CHCHD3: variants seen among roughly 807,000 people sequenced by gnomAD.
CHCHD3 encodes the protein MICOS complex subunit MIC19.
In CHCHD3, 20 loss-of-function variants were observed where a neutral mutation model predicts 38.2. That is an observed-to-expected ratio of 0.52 (90% CI 0.37 to 0.76). The LOEUF (loss-of-function observed/expected upper bound fraction) is 0.76, where lower values mean the gene tolerates loss of function less well. Among genes scored for constraint, CHCHD3 ranks in the 30% least tolerant of loss-of-function variants. CHCHD3 has a pLI of 0.00. For missense variants in CHCHD3, 245 were observed against 279.2 expected (o/e 0.88, Z 0.87); for synonymous variants, 82 against 100.0 (o/e 0.82, Z 1.07).
At chr7:133,062,839 C>G (rs1000858884) in intron 2 of CHCHD3, among the ~76,000 whole-genome samples, 1 of 152,068 alleles carries the variant, frequency 6.6e-6, no homozygotes, top group Non-Finnish European at 1.5e-5. Flanking sequence ...CACCTAGAAG[C>G]ACCAATGCAA....
chr7:132,879,257 G>C (rs1015053955), intron 5 of CHCHD3, among the ~76,000 whole-genome samples: 1 of 152,028 alleles, frequency 6.6e-6, no homozygotes, highest in East Asian at 1.9e-4. Context: ...TAAATGCAGT[G>C]GGGGGAGGTG....
intron 2 of CHCHD3, among the ~76,000 whole-genome samples, chr7:133,053,494 C>T (rs754353019): frequency 2.0e-5 from 3 of 152,166 alleles, no homozygotes; most frequent in Non-Finnish European, 4.4e-5. Context: ...TCACGGGACA[C>T]GTCATGAGAA....
chr7:133,063,262 G>A (rs1010231677), intron 2 of CHCHD3, among the ~76,000 whole-genome samples: 2 of 152,162 alleles, frequency 1.3e-5, no homozygotes, highest in African/African-American at 2.4e-5. Flanking sequence ...GGACTGAAGC[G>A]TGAGTCAAGG....
intron 4 of CHCHD3, among the ~76,000 whole-genome samples, chr7:132,887,561 AATG>A (rs1467866860): frequency 6.6e-6 from 1 of 151,750 alleles, no homozygotes; most frequent in African/African-American, 2.4e-5. Context: ...TGGGAGAGTT[AATG>A]TTATTAACAT....
intron 4 of CHCHD3, among the ~76,000 whole-genome samples, chr7:132,963,225 G>A (rs1359732728): frequency 6.8e-6 from 1 of 147,902 alleles, no homozygotes; most frequent in Non-Finnish European, 1.5e-5. Flanking sequence ...AAAAACAGAT[G>A]AATCAGAGTC....
intron 4 of CHCHD3, among the ~76,000 whole-genome samples, chr7:132,961,189 G>C (rs1811308156): frequency 6.6e-6 from 1 of 152,156 alleles, no homozygotes; most frequent in Non-Finnish European, 1.5e-5. Context: ...GGCTGAAGCA[G>C]GAGGATCACT....
chr7:132,868,150 C>T (rs764232516), intron 5 of CHCHD3, among the ~76,000 whole-genome samples: 17 of 152,030 alleles, frequency 1.1e-4, no homozygotes, highest in Non-Finnish European at 2.4e-4. Flanking sequence ...CAAATAAGAT[C>T]CACAAATATA....
At chr7:132,979,729 A>G (rs1811869191) in intron 3 of CHCHD3, among the ~76,000 whole-genome samples, 1 of 152,178 alleles carries the variant, frequency 6.6e-6, no homozygotes. Context: ...TGGAGGACAG[A>G]GTTTCAATGG....
chr7:133,070,608 C>T (rs1238955080), intron 1 of CHCHD3, among the ~76,000 whole-genome samples: 1 of 152,114 alleles, frequency 6.6e-6, no homozygotes, highest in Non-Finnish European at 1.5e-5. Flanking sequence ...TCCCTCTAGT[C>T]CCGAAGGAAA....
intron 6 of CHCHD3, among the ~76,000 whole-genome samples, chr7:132,797,187 A>AC (rs1340193937): frequency 1.3e-5 from 2 of 151,904 alleles, no homozygotes; most frequent in Non-Finnish European, 2.9e-5. Context: ...TGTGGCCTTC[A>AC]CCCCCCAACC....
chr7:132,920,972 C>G (rs943847332), intron 4 of CHCHD3, among the ~76,000 whole-genome samples: 5 of 152,116 alleles, frequency 3.3e-5, no homozygotes, highest in African/African-American at 1.2e-4. Flanking sequence ...ACCTCCAGTA[C>G]TGGCTGGGGA....
At chr7:132,792,835 A>C (rs151197707) in intron 7 of CHCHD3, among the ~76,000 whole-genome samples, 34 of 152,300 alleles carry the variant, frequency 2.2e-4, no homozygotes, top group African/African-American at 7.5e-4. Flanking sequence ...AGTGAACACA[A>C]AATGTGCCAG....
chr7:132,982,338 G>C (rs781192958), intron 3 of CHCHD3, among the ~76,000 whole-genome samples: 1 of 152,324 alleles, frequency 6.6e-6, no homozygotes, highest in African/African-American at 2.4e-5. Flanking sequence ...AGGCTAGAGT[G>C]CAGTGGTGTG....
chr7:132,872,082 C>T (rs1370854356), intron 5 of CHCHD3, among the ~76,000 whole-genome samples: 1 of 152,118 alleles, frequency 6.6e-6, no homozygotes. Flanking sequence ...GTACGGCTGG[C>T]TTGAGGGTAG....
intron 4 of CHCHD3, among the ~76,000 whole-genome samples, chr7:132,937,103 C>T (rs1416170967): frequency 6.6e-6 from 1 of 152,178 alleles, no homozygotes; most frequent in African/African-American, 2.4e-5. Flanking sequence ...CCTTCTTAAA[C>T]ATGCTGGCAA....
At chr7:132,937,188 C>T (rs181708521) in intron 4 of CHCHD3, among the ~76,000 whole-genome samples, 4 of 152,010 alleles carry the variant, frequency 2.6e-5, no homozygotes, top group African/African-American at 9.7e-5. Context: ...AAATTATATA[C>T]CACTCAACAG....
rs753627700 is a variant in CHCHD3, at chr7:132,924,082, G to GAA, written c.370-38338_370-38337insTT. Among the ~76,000 whole-genome samples, 5 of 152,070 alleles carry GAA rather than the reference G, an allele frequency of 3.3e-5. No homozygotes were observed. The East Asian group carries it at 7.7e-4, about 23-fold the overall frequency. ...CATTCAATTCAACTAGAAGAAAAAT[G>GAA]GGACTTTGACCACAGCTGGAGAAAT... On this transcript the variant is annotated intron_variant, in intron 4 of 7. Coordinates refer to ENST00000262570, the MANE Select transcript of CHCHD3 (RefSeq NM_017812.4).
intron 6 of CHCHD3, chr7:132,830,791 A>G (rs947277773): frequency 7.2e-5 from 11 of 152,178 alleles, no homozygotes; most frequent in African/African-American, 2.7e-4. Flanking sequence ...AAAAACAAAA[A>G]CCAACAAATA....
intron 7 of CHCHD3, among the ~76,000 whole-genome samples, chr7:132,795,319 G>A (rs896627517): frequency 5.6e-4 from 85 of 152,058 alleles, no homozygotes; most frequent in Non-Finnish European, 2.9e-5. Context: ...CAAATAAAAC[G>A]TACTAACTTA....
Sources: allele counts gnomAD v4.1 joint callset (sites outside exome capture counted in the v4.1 genomes callset), GRCh38; gene constraint gnomAD v4.1.1; transcripts MANE v1.5; gene names NCBI Gene and HGNC (gene_info 2026-07-23, HGNC 2026-07-21).